MAP6D1: variants seen among roughly 807,000 people sequenced by gnomAD.
MAP6D1 encodes MAP6 domain-containing protein 1.
In MAP6D1, 13 loss-of-function variants were observed where a neutral mutation model predicts 17.4. The ratio of observed to expected loss-of-function variants is 0.75; its 90% CI spans 0.49 to 1.19. The LOEUF is 1.19. MAP6D1 is among the 50% of genes most tolerant of loss of function. MAP6D1 has a pLI of 0.00. For synonymous variants in MAP6D1, 141 were observed against 145.7 expected, an observed-to-expected ratio of 0.97 and a Z score of 0.23; for missense variants, 313 against 312.6, an observed-to-expected ratio of 1.00 and a Z score of -0.01.
In MAP6D1 at chr3:183,816,313, A is replaced by G. The variant is rs914856344; in HGVS notation, c.*1043T>C. ...AGAAAGATCCAAAGGGAAATCCACA[A>G]ATTTCCTTACTGAAGACTGTCCTGA... is the stretch of plus-strand genomic sequence containing the variant. On this transcript the variant is annotated 3_prime_UTR_variant, in exon 3 of 3. Transcript: ENST00000318631. 1 of 152,200 alleles carries G rather than the reference A, an allele frequency of 6.6e-6. No individual in the cohort carries two copies. Among genetic ancestry groups the G allele is most frequent in the Admixed American group, 6.5e-5 (1 of 15,286 alleles). 9.4% of individuals were successfully genotyped at this position (152,200 alleles called of 1,614,324 possible). A position where few individuals can be genotyped will look rare whatever the true frequency, so the allele number is the denominator to read the frequency against.
chr3:183,822,293 A>ACAC (rs1474517829), intron 1 of MAP6D1, among the ~76,000 whole-genome samples: 11 of 134,078 alleles, frequency 8.2e-5, no homozygotes, highest in African/African-American at 3.1e-4. Context: ...ACACACACAC[A>ACAC]AAACCCCACA....
At chr3:183,823,022 G>A (rs1216112096) in intron 1 of MAP6D1, among the ~76,000 whole-genome samples, 1 of 152,194 alleles carries the variant, frequency 6.6e-6, no homozygotes, top group Non-Finnish European at 1.5e-5. Context: ...TTGAAGCAAG[G>A]TCTTGCTCTG....
chr3:183,816,688 T>C lies in MAP6D1; in HGVS notation c.*668A>G, dbSNP rs552606746. The C allele has an allele frequency of 2.0e-5, 3 of 152,856 alleles. No homozygotes were observed. The East Asian group carries it at 5.8e-4, about 29-fold the overall frequency. 9.5% of individuals were successfully genotyped at this position (152,856 alleles called of 1,614,324 possible). ...TTAGTAACAAAATGTGGATTCAATC[T>C]TTAGAACCTAGCACAAGGTAAATGT... On this transcript the variant is annotated 3_prime_UTR_variant, in exon 3 of 3. Coordinates refer to ENST00000318631, the MANE Select transcript of MAP6D1 (RefSeq NM_024871.4).
At chr3:183,825,113 T>C (rs1727352099) in intron 1 of MAP6D1, 34 bp downstream of exon 1, 6 of 1,361,110 alleles carry the variant, frequency 4.4e-6, no homozygotes, top group South Asian at 1.9e-5. Context: ...CACCACAGGG[T>C]GGGGACTCGT....
rs1459594662 is a variant in MAP6D1 at position 183,818,164 on chromosome 3, C to T, written c.402-53G>A. ...TGCACAGGGTCAGCCACCCCTTTAC[C>T]GACTCCCCAGGGGCTGCTGCTCTGC... On this transcript the variant is annotated intron_variant, in intron 1 of 2. Coordinates refer to ENST00000318631, the MANE Select transcript of MAP6D1 (RefSeq NM_024871.4). The T allele has an allele frequency of 4.3e-5, 63 of 1,479,602 alleles. 1 individual carries two copies. Among genetic ancestry groups the T allele is most frequent in the South Asian group, 6.8e-5 (6 of 88,052 alleles). 91.7% of individuals were successfully genotyped at this position (1,479,602 alleles called of 1,614,324 possible).
At chr3:183,822,274 CACACACACACACACACACAA>C (rs1283380905) in intron 1 of MAP6D1, among the ~76,000 whole-genome samples, 1 of 145,438 alleles carries the variant, frequency 6.9e-6, no homozygotes, top group Non-Finnish European at 1.5e-5. Flanking sequence ...CACACACACA[CACACACACACACACACACAA>C]AACCCCACAT....
In MAP6D1 at chr3:183,817,236, A is replaced by G; in HGVS notation, c.*120T>C. ...CTTTGGCCCTGGTGACAGCTTTGAG[A>G]GGGGCTGTGCCCTCCCGCAGGGGCC... On this transcript the variant is annotated 3_prime_UTR_variant, in exon 3 of 3. Transcript: ENST00000318631. 1 of 990,042 alleles carries G rather than the reference A, an allele frequency of 1.0e-6. No homozygotes were observed. The highest frequency in any genetic ancestry group is 1.4e-5 in the South Asian group (1 of 70,566). The allele number at this position is 990,042 out of a possible 1,614,324, so 61.3% of individuals were successfully genotyped here.
chr3:183,822,240 AACACACACACACACAC>A (rs60341893), intron 1 of MAP6D1, among the ~76,000 whole-genome samples: 56,455 of 138,402 alleles, frequency 0.41, 12,042 homozygotes, highest in Middle Eastern at 0.54. Context: ...CCATCTCTAA[AACACACACACACACAC>A]ACACACACAC....
intron 1 of MAP6D1, among the ~76,000 whole-genome samples, chr3:183,822,981 A>T (rs1334843788): frequency 2.0e-5 from 3 of 152,186 alleles, no homozygotes; most frequent in Non-Finnish European, 4.4e-5. Context: ...TTTACTAGGG[A>T]TGTTCTAGCA....
chr3:183,821,375 G>T (rs751075263), intron 1 of MAP6D1, among the ~76,000 whole-genome samples: 1 of 152,180 alleles, frequency 6.6e-6, no homozygotes, highest in Non-Finnish European at 1.5e-5. Context: ...GTAGAATGGG[G>T]ACGGCAAGCA....
rs868133623 is a variant in MAP6D1, at chr3:183,820,987, C to T, written c.402-2876G>A. ...GTGGGCGCCTGTAGTCCCAGCTACTCTGGAGGCTGAGGCAGGAGAATCGCT... is the reference window on the plus strand; with the variant it reads ...GTGGGCGCCTGTAGTCCCAGCTACTTTGGAGGCTGAGGCAGGAGAATCGCT... On this transcript the variant is annotated intron_variant, in intron 1 of 2. Coordinates refer to ENST00000318631, the MANE Select transcript of MAP6D1 (RefSeq NM_024871.4). 7.3e-5 allele frequency among the ~76,000 whole-genome samples: 11 copies of T among 151,434 alleles called. No homozygotes were observed. In the South Asian group the frequency reaches 2.3e-3, roughly 32 times the overall value.
intron 1 of MAP6D1, among the ~76,000 whole-genome samples, chr3:183,818,518 C>G (rs1727173439): frequency 6.6e-6 from 1 of 152,166 alleles, no homozygotes; most frequent in Non-Finnish European, 1.5e-5. Context: ...CGGTGCTATA[C>G]CTGCACCCCC....
intron 1 of MAP6D1, among the ~76,000 whole-genome samples, chr3:183,821,891 C>A (rs1727267087): frequency 6.6e-6 from 1 of 151,886 alleles, no homozygotes; most frequent in Admixed American, 6.6e-5. Flanking sequence ...CTTGAACTGA[C>A]CTCAGGAGAT....
intron 1 of MAP6D1, among the ~76,000 whole-genome samples, chr3:183,819,051 A>T (rs1252567715): frequency 6.6e-6 from 1 of 152,252 alleles, no homozygotes; most frequent in East Asian, 1.9e-4. Context: ...GCCAAGGTGG[A>T]AGTGTCCAGC....
intron 1 of MAP6D1, among the ~76,000 whole-genome samples, chr3:183,822,140 C>T (rs1378054160): frequency 6.6e-6 from 1 of 152,028 alleles, no homozygotes; most frequent in East Asian, 1.9e-4. Context: ...GGCACAGTGG[C>T]TGATGCCTTT....
intron 1 of MAP6D1, among the ~76,000 whole-genome samples, chr3:183,823,772 G>A (rs1050766506): frequency 6.6e-6 from 1 of 152,150 alleles, no homozygotes; most frequent in South Asian, 2.1e-4. Flanking sequence ...CTGGGTGACA[G>A]AGCGAGACTC....
chr3:183,816,168 A>C lies in MAP6D1; in HGVS notation c.*1188T>G, dbSNP rs1727097262. 6.6e-6 allele frequency: 1 copy of C among 152,218 alleles called. No homozygotes were observed. Among genetic ancestry groups the C allele is most frequent in the Non-Finnish European group, 1.5e-5 (1 of 68,068 alleles). The allele number at this position is 152,218 out of a possible 1,614,324, so 9.4% of individuals were successfully genotyped here. On this transcript the variant is annotated 3_prime_UTR_variant, in exon 3 of 3. Coordinates refer to ENST00000318631, the MANE Select transcript of MAP6D1 (RefSeq NM_024871.4). ...GGGCTAGCACCTGGGAGGGACGCTG[A>C]CAGGCAGTCGGAGCTGGAACCACTG...
intron 1 of MAP6D1, among the ~76,000 whole-genome samples, chr3:183,823,445 C>A (rs539528285): frequency 7.2e-5 from 11 of 151,902 alleles, no homozygotes; most frequent in African/African-American, 2.7e-4. Flanking sequence ...ACTAAAAATA[C>A]AAAAAATTAG....
intron 1 of MAP6D1, among the ~76,000 whole-genome samples, chr3:183,823,650 A>T (rs1249893678): frequency 1.3e-5 from 2 of 151,838 alleles, no homozygotes; most frequent in African/African-American, 4.8e-5. Context: ...TTAACTGGGC[A>T]TGGTGGCACA....
Sources: allele counts gnomAD v4.1 joint callset (sites outside exome capture counted in the v4.1 genomes callset), GRCh38; gene constraint gnomAD v4.1.1; transcripts MANE v1.5; gene names NCBI Gene and HGNC (gene_info 2026-07-23, HGNC 2026-07-21).